TMED5: variants seen among roughly 807,000 people sequenced by gnomAD.
TMED5 encodes transmembrane p24 trafficking protein 5.
In TMED5, 27 loss-of-function variants were observed where a neutral mutation model predicts 23.0. The ratio of observed to expected loss-of-function variants is 1.17; its 90% CI spans 0.86 to 1.62. The LOEUF is 1.62. Among genes scored for constraint, TMED5 ranks in the 40% most tolerant of loss-of-function variants. The probability of loss-of-function intolerance (pLI) is 0.00; values close to 1 mark genes in which losing one functional copy is unlikely to be tolerated. For synonymous variants in TMED5, 97 were observed against 100.8 expected, an observed-to-expected ratio of 0.96 and a Z score of 0.23; for missense variants, 248 against 273.7, an observed-to-expected ratio of 0.91 and a Z score of 0.66.
At chr1:93,170,459 G>A (rs1482149312) in intron 1 of TMED5, among the ~76,000 whole-genome samples, 2 of 152,194 alleles carry the variant, frequency 1.3e-5, no homozygotes, top group Non-Finnish European at 2.9e-5. Flanking sequence ...CTGCCTCCCC[G>A]CGGGGCAGGG....
chr1:93,154,520 T>G lies in TMED5; in HGVS notation c.*150A>C. The G allele has an allele frequency of 1.6e-6, 1 of 619,968 alleles. No homozygotes were observed. Among genetic ancestry groups the G allele is most frequent in the South Asian group, 2.1e-5 (1 of 48,636 alleles). 38.4% of individuals were successfully genotyped at this position (619,968 alleles called of 1,614,324 possible). On this transcript the variant is annotated 3_prime_UTR_variant, in exon 4 of 4. Transcript: ENST00000370282. Reference sequence around the variant, plus strand: ...TCAGCAGGATTACTTGCACAGAAAGTGAAGACTTAATTTTCACATTAAAAT... The same window carrying G: ...TCAGCAGGATTACTTGCACAGAAAGGGAAGACTTAATTTTCACATTAAAAT...
chr1:93,180,027 G>A, intron 1 of TMED5, 27 bp downstream of exon 1: 2 of 1,602,796 alleles, frequency 1.2e-6, no homozygotes, highest in Non-Finnish European at 1.7e-6. Flanking sequence ...GTTAAAGGAA[G>A]GAGGCTGGTT....
rs202090006 is a variant in TMED5, at chr1:93,175,455, AATAG to A, written c.189+4595_189+4598del. On this transcript the variant is annotated intron_variant, in intron 1 of 3. Coordinates refer to ENST00000370282, the MANE Select transcript of TMED5 (RefSeq NM_016040.5). ...ATATGTATAAAATGTGTGTATATATAATAGATATGTGTGTGTATGTATATAAAAC... is the reference window on the plus strand; with the variant it reads ...ATATGTATAAAATGTGTGTATATATAATATGTGTGTGTATGTATATAAAAC... 7.7e-3 allele frequency among the ~76,000 whole-genome samples: 1,150 copies of A among 149,404 alleles called. 19 individuals carry two copies. Among genetic ancestry groups the A allele is most frequent in the African/African-American group, 0.027 (1,096 of 40,916 alleles).
Position 93,153,379 on chromosome 1 carries a change from T to C in TMED5, c.*1291A>G, listed in dbSNP as rs1389858415. 6.6e-6 allele frequency: 1 copy of C among 152,134 alleles called. No individual in the cohort carries two copies. The highest frequency in any genetic ancestry group is 1.9e-4 in the East Asian group (1 of 5,200). The allele number at this position is 152,134 out of a possible 1,614,324, so 9.4% of individuals were successfully genotyped here. A position where few individuals can be genotyped will look rare whatever the true frequency, so the allele number is the denominator to read the frequency against. On this transcript the variant is annotated 3_prime_UTR_variant, in exon 4 of 4. Transcript: ENST00000370282. ...AAGGCCATTTTAATAAAAGTTGTTA[T>C]AATAAAAATTTTTAATAAATATGTA...
chr1:93,173,152 G>A (rs67002303), intron 1 of TMED5, among the ~76,000 whole-genome samples: 13,356 of 152,120 alleles, frequency 0.088, 662 homozygotes, highest in African/African-American at 0.13. Context: ...ACAGGAAGGT[G>A]ACTATGGTCA....
chr1:93,179,986 C>T (rs774421493), intron 1 of TMED5, 68 bp downstream of exon 1: 138 of 1,482,974 alleles, frequency 9.3e-5, no homozygotes, highest in Non-Finnish European at 1.2e-4. Flanking sequence ...AGTTTCTAAA[C>T]GGGTGAGAGG....
At position 93,154,511 on chromosome 1, in the gene TMED5, C is replaced by G. The variant is rs1404449337; in HGVS notation, c.*159G>C. On this transcript the variant is annotated 3_prime_UTR_variant, in exon 4 of 4. Transcript: ENST00000370282. ...ACAACTGGATCAGCAGGATTACTTG[C>G]ACAGAAAGTGAAGACTTAATTTTCA... 2 of 611,248 alleles carry G rather than the reference C, an allele frequency of 3.3e-6. No individual in the cohort carries two copies. The highest frequency in any genetic ancestry group is 3.7e-5 in the African/African-American group (2 of 53,944). 37.9% of individuals were successfully genotyped at this position (611,248 alleles called of 1,614,324 possible).
intron 1 of TMED5, among the ~76,000 whole-genome samples, chr1:93,171,442 C>G (rs541622174): frequency 6.6e-6 from 1 of 152,244 alleles, no homozygotes; most frequent in South Asian, 2.1e-4. Context: ...AAATCTATAC[C>G]CACAAATTTG....
At position 93,150,439 on chromosome 1, in the gene TMED5, A is replaced by G. The variant is rs1647833082; in HGVS notation, c.*4231T>C. 1 of 152,184 alleles carries G rather than the reference A, an allele frequency of 6.6e-6. No individual in the cohort carries two copies. The highest frequency in any genetic ancestry group is 1.5e-5 in the Non-Finnish European group (1 of 68,038). 9.4% of individuals were successfully genotyped at this position (152,184 alleles called of 1,614,324 possible). A position where few individuals can be genotyped will look rare whatever the true frequency, so the allele number is the denominator to read the frequency against. On this transcript the variant is annotated 3_prime_UTR_variant, in exon 4 of 4. Transcript: ENST00000370282. Reference sequence around the variant, plus strand: ...TGCTATGTAACATTTGTGAATGTTAAGTTTTAACTTCTCAGGGATAACTGT... The same window carrying G: ...TGCTATGTAACATTTGTGAATGTTAGGTTTTAACTTCTCAGGGATAACTGT...
intron 3 of TMED5, 47 bp downstream of exon 3, chr1:93,156,253 G>C (rs577543145): frequency 6.6e-7 from 1 of 1,506,348 alleles, no homozygotes; most frequent in Non-Finnish European, 9.2e-7. Context: ...CCATAGTAAG[G>C]CCTCTGGCTG....
chr1:93,154,430 T>C lies in TMED5; in HGVS notation c.*240A>G, dbSNP rs556758937. The stretch of plus-strand genomic sequence containing the variant: ...AGTTAGGAAAATGCAGTTATTAATA[T>C]GGCTTCATTCAGTTAAACCTATATT... On this transcript the variant is annotated 3_prime_UTR_variant, in exon 4 of 4. Transcript: ENST00000370282. The C allele has an allele frequency of 2.1e-6, 1 of 484,020 alleles. No individual in the cohort carries two copies. Among genetic ancestry groups the C allele is most frequent in the South Asian group, 3.2e-5 (1 of 31,570 alleles). 30.0% of individuals were successfully genotyped at this position (484,020 alleles called of 1,614,324 possible).
intron 1 of TMED5, among the ~76,000 whole-genome samples, chr1:93,164,351 G>GA (rs1041642385): frequency 6.6e-6 from 1 of 152,168 alleles, no homozygotes; most frequent in African/African-American, 2.4e-5. Context: ...ATATCCCCAT[G>GA]AGGACAGGTC....
chr1:93,165,317 GAATA>G (rs1254796824), intron 1 of TMED5, among the ~76,000 whole-genome samples: 1 of 152,152 alleles, frequency 6.6e-6, no homozygotes, highest in African/African-American at 2.4e-5. Context: ...ATCAGGAAAG[GAATA>G]AATGAAGAGA....
chr1:93,178,459 C>T (rs1649013709), intron 1 of TMED5, among the ~76,000 whole-genome samples: 1 of 152,184 alleles, frequency 6.6e-6, no homozygotes, highest in Non-Finnish European at 1.5e-5. Flanking sequence ...AAGTGACCCT[C>T]CTCTACTGGT....
chr1:93,165,720 T>C (rs1648479514), intron 1 of TMED5, among the ~76,000 whole-genome samples: 1 of 152,242 alleles, frequency 6.6e-6, no homozygotes, highest in African/African-American at 2.4e-5. Flanking sequence ...AGTTATACTC[T>C]TTTAGTTATT....
At position 93,179,429 on chromosome 1, in the gene TMED5, AAAAG is replaced by A. The variant is rs566206179; in HGVS notation, c.189+621_189+624del. Reference sequence around the variant, plus strand: ...GCTTACAATGCTCAATGAAAAAATGAAAAGAAAGGTTATAAAGTTTTAATATACG... The same window carrying A: ...GCTTACAATGCTCAATGAAAAAATGAAAAGGTTATAAAGTTTTAATATACG... On this transcript the variant is annotated intron_variant, in intron 1 of 3. Transcript: ENST00000370282. Among the ~76,000 whole-genome samples, 118 of 152,242 alleles carry A rather than the reference AAAAG, an allele frequency of 7.8e-4. 1 individual carries two copies. The highest frequency in any genetic ancestry group is 2.1e-3 in the African/African-American group (88 of 41,544).
chr1:93,154,843 T>C lies in TMED5; in HGVS notation c.517A>G (p.Ile173Val), dbSNP rs758509494. ...TCAAATGCTCTAAGCAGAGTTTGTA[T>C]GTGCCCACTTTTGCTTAGTCTGGAC... ...IKSRLSKSGH[I>V]QTLLRAFEAR... The change falls in exon 4 of 4, where the codon ATA becomes GTA. Residue 173 changes from isoleucine (I) to valine (V), a missense_variant. By Grantham distance (29) the Ile-to-Val change is conservative. Coordinates refer to ENST00000370282, the MANE Select transcript of TMED5 (RefSeq NM_016040.5). 6 of 1,613,938 alleles carry C rather than the reference T, an allele frequency of 3.7e-6. No individual in the cohort carries two copies. The highest frequency in any genetic ancestry group is 5.1e-6 in the Non-Finnish European group (6 of 1,179,892).
Position 93,150,558 on chromosome 1 carries a change from A to C in TMED5, c.*4112T>G, listed in dbSNP as rs1346530138. Reference sequence around the variant, plus strand: ...TTCCACAGTGGCTCTACTATTTCATATCTCACCAGCAACGTATGAGTGGTC... The same window carrying C: ...TTCCACAGTGGCTCTACTATTTCATCTCTCACCAGCAACGTATGAGTGGTC... On this transcript the variant is annotated 3_prime_UTR_variant, in exon 4 of 4. Transcript: ENST00000370282. The C allele has an allele frequency of 6.6e-6, 1 of 152,232 alleles. No individual in the cohort carries two copies. 9.4% of individuals were successfully genotyped at this position (152,232 alleles called of 1,614,324 possible).
intron 1 of TMED5, among the ~76,000 whole-genome samples, chr1:93,165,413 CAT>C (rs932952478): frequency 4.6e-5 from 7 of 152,018 alleles, no homozygotes; most frequent in East Asian, 1.9e-4. Flanking sequence ...GTGATTACAA[CAT>C]GTGGATAAGT....
Sources: gnomAD v4.1 joint callset for allele counts (sites outside exome capture counted in the v4.1 genomes callset) on GRCh38, gnomAD v4.1.1 for gene constraint, MANE v1.5 for transcripts, NCBI Gene and HGNC (gene_info 2026-07-23, HGNC 2026-07-21) for gene names.